CCDC85A: variants seen among roughly 807,000 people sequenced by gnomAD.
CCDC85A encodes the protein coiled-coil domain-containing protein 85A.
In CCDC85A, 38 loss-of-function variants were observed where a neutral mutation model predicts 50.2. The observed-to-expected ratio is 0.76, with a 90% confidence interval of 0.58 to 0.99. The LOEUF is 0.99. Among genes scored for constraint, CCDC85A ranks in the 50% least tolerant of loss-of-function variants. The pLI is 0.00. For missense variants in CCDC85A, 820 were observed against 742.0 expected, an observed-to-expected ratio of 1.11 and a Z score of -1.22; for synonymous variants, 366 against 301.4, an observed-to-expected ratio of 1.21 and a Z score of -2.22.
chr2:56,346,741 C>T (rs1367578024), intron 3 of CCDC85A, among the ~76,000 whole-genome samples: 1 of 152,284 alleles, frequency 6.6e-6, no homozygotes, highest in South Asian at 2.1e-4. Context: ...TTAAAGGTCA[C>T]CTGGACTTTA....
intron 3 of CCDC85A, among the ~76,000 whole-genome samples, chr2:56,357,129 G>A (rs1036091246): frequency 6.6e-6 from 1 of 151,806 alleles, no homozygotes; most frequent in Non-Finnish European, 1.5e-5. Flanking sequence ...TGAAGAAGGT[G>A]TCTCATGCAG....
chr2:56,370,933 A>T (rs1676039946), intron 3 of CCDC85A, among the ~76,000 whole-genome samples: 1 of 152,196 alleles, frequency 6.6e-6, no homozygotes, highest in African/African-American at 2.4e-5. Context: ...AAAAATAATT[A>T]TAAAATTTGC....
intron 3 of CCDC85A, among the ~76,000 whole-genome samples, chr2:56,369,370 C>T (rs1190878109): frequency 1.3e-5 from 2 of 152,146 alleles, no homozygotes; most frequent in Non-Finnish European, 2.9e-5. Flanking sequence ...GAAAATGTTG[C>T]AGATGTAGTT....
chr2:56,355,137 G>T (rs1217365876), intron 3 of CCDC85A, among the ~76,000 whole-genome samples: 1 of 152,200 alleles, frequency 6.6e-6, no homozygotes, highest in Admixed American at 6.5e-5. Flanking sequence ...GGCTGCCAGA[G>T]TCTGGCCATT....
chr2:56,231,062 A>G (rs1385686995), intron 2 of CCDC85A, among the ~76,000 whole-genome samples: 2 of 152,188 alleles, frequency 1.3e-5, no homozygotes, highest in Admixed American at 6.5e-5. Context: ...ATTTAGGAGC[A>G]AGCTGGAAGC....
intron 2 of CCDC85A, among the ~76,000 whole-genome samples, chr2:56,213,848 G>C (rs72801180): frequency 0.023 from 3,548 of 151,990 alleles, 62 homozygotes; most frequent in South Asian, 0.047. Context: ...AAAAATACCC[G>C]CCTCTCATAA....
At chr2:56,294,860 C>T (rs745631010) in intron 2 of CCDC85A, among the ~76,000 whole-genome samples, 10 of 152,162 alleles carry the variant, frequency 6.6e-5, no homozygotes, top group Non-Finnish European at 1.5e-4. Flanking sequence ...ATGGTAACTA[C>T]TAAGGCCGGT....
intron 2 of CCDC85A, among the ~76,000 whole-genome samples, chr2:56,240,145 T>A (rs1413661155): frequency 6.6e-6 from 1 of 152,144 alleles, no homozygotes; most frequent in African/African-American, 2.4e-5. Flanking sequence ...AAAAGAGACA[T>A]CATACCTATT....
At chr2:56,194,341 G>C (rs184782141) in intron 2 of CCDC85A, among the ~76,000 whole-genome samples, 26 of 152,174 alleles carry the variant, frequency 1.7e-4, no homozygotes, top group African/African-American at 4.6e-4. Flanking sequence ...ACTTGAGAGA[G>C]AAAAAATCAT....
intron 2 of CCDC85A, among the ~76,000 whole-genome samples, chr2:56,222,269 T>C (rs889713237): frequency 6.6e-6 from 1 of 152,154 alleles, no homozygotes; most frequent in African/African-American, 2.4e-5. Context: ...TTTGCTTTTA[T>C]ATATCATTTA....
Position 56,250,930 on chromosome 2 carries a change from T to A in CCDC85A, c.1240+57490T>A, listed in dbSNP as rs185263768. 5.3e-5 allele frequency among the ~76,000 whole-genome samples: 8 copies of A among 152,348 alleles called. No individual in the cohort carries two copies. The East Asian group carries it at 1.2e-3, about 22-fold the overall frequency. On this transcript the variant is annotated intron_variant, in intron 2 of 5. Transcript: ENST00000407595. ...CCCAGTACCCCTCTCTGACCTCTCT[T>A]CTTTGCTATTTTGTCTTTCATTCGA...
Position 56,193,332 on chromosome 2 carries a change from A to C in CCDC85A, c.1132A>C (p.Ser378Arg). The change falls in exon 2 of 6, where the codon AGT becomes CGT. Residue 378 changes from serine to arginine, a missense_variant. Coordinates refer to ENST00000407595, the MANE Select transcript of CCDC85A (RefSeq NM_001080433.2). Reference sequence around the variant, plus strand: ...CCCTGATCACAAACACGGAGGAGGCAGTGGAGGAAGTGGAGGCAGCGGCGG... The same window carrying C: ...CCCTGATCACAAACACGGAGGAGGCCGTGGAGGAAGTGGAGGCAGCGGCGG... ...GSPDHKHGGG[S>R]GGSGGSGGGS... 6.2e-7 allele frequency: 1 copy of C among 1,612,472 alleles called. No homozygotes were observed. The highest frequency in any genetic ancestry group is 8.5e-7 in the Non-Finnish European group (1 of 1,179,106).
intron 2 of CCDC85A, among the ~76,000 whole-genome samples, chr2:56,332,290 C>A (rs555239817): frequency 3.3e-5 from 5 of 152,236 alleles, no homozygotes; most frequent in Admixed American, 3.3e-4. Context: ...TCCTTTTGGG[C>A]TGATACAACA....
intron 2 of CCDC85A, among the ~76,000 whole-genome samples, chr2:56,309,146 A>G (rs1365040590): frequency 6.6e-6 from 1 of 152,190 alleles, no homozygotes; most frequent in East Asian, 1.9e-4. Context: ...AAAGAATTAA[A>G]CTTTTTATAA....
chr2:56,188,305 C>T (rs939335018), intron 1 of CCDC85A, among the ~76,000 whole-genome samples: 7 of 152,128 alleles, frequency 4.6e-5, no homozygotes, highest in African/African-American at 1.7e-4. Context: ...ATAATATTCT[C>T]AAGAAAACTA....
chr2:56,260,278 G>A (rs1275270895), intron 2 of CCDC85A, among the ~76,000 whole-genome samples: 3 of 152,192 alleles, frequency 2.0e-5, no homozygotes, highest in African/African-American at 7.2e-5. Flanking sequence ...TGCTGGAGTA[G>A]TGATTTTGTT....
chr2:56,372,560 G>A, intron 4 of CCDC85A, 82 bp downstream of exon 4: 2 of 1,361,312 alleles, frequency 1.5e-6, no homozygotes, highest in Non-Finnish European at 9.6e-7. Context: ...GTTATACTGG[G>A]GGGTAGAAAA....
chr2:56,368,494 A>T (rs757599145), intron 3 of CCDC85A, among the ~76,000 whole-genome samples: 1 of 152,180 alleles, frequency 6.6e-6, no homozygotes, highest in Non-Finnish European at 1.5e-5. Flanking sequence ...GTAATAAGGG[A>T]AAACTGAATT....
rs1364930234 is a variant in CCDC85A at position 56,375,813 on chromosome 2, A to G, written c.1453-3A>G. ...ATAACAAAGTTGTTGATTTTCTACT[A>G]AGGGTTCTTTTAGGTTGTCATCAGG... On this transcript the variant is annotated splice_polypyrimidine_tract_variant and splice_region_variant and intron_variant, in intron 4 of 5. Coordinates refer to ENST00000407595, the MANE Select transcript of CCDC85A (RefSeq NM_001080433.2). 1 of 1,613,256 alleles carries G rather than the reference A, an allele frequency of 6.2e-7. No homozygotes were observed. The highest frequency in any genetic ancestry group is 8.5e-7 in the Non-Finnish European group (1 of 1,179,612).
Sources: gnomAD v4.1 joint callset for allele counts (sites outside exome capture counted in the v4.1 genomes callset) on GRCh38, gnomAD v4.1.1 for gene constraint, MANE v1.5 for transcripts, NCBI Gene and HGNC (gene_info 2026-07-23, HGNC 2026-07-21) for gene names.